The following XKR4 variants were observed in gnomAD, a reference collection of about 807,000 sequenced individuals.
XKR4 encodes the protein XK-related protein 4.
XKR4 carries 12 observed loss-of-function variants against 53.9 expected under a neutral mutation model. The ratio of observed to expected loss-of-function variants is 0.22; its 90% CI spans 0.14 to 0.36. The LOEUF (loss-of-function observed/expected upper bound fraction) is 0.36, where lower values mean the gene tolerates loss of function less well. Ranked by LOEUF, XKR4 falls within the 10% of genes least tolerant of loss-of-function variation. XKR4 has a pLI of 1.00. For synonymous variants in XKR4, 354 were observed against 362.4 expected (o/e 0.98, Z 0.26); for missense variants, 799 against 859.5 (o/e 0.93, Z 0.88).
chr8:55,198,738 T>A (rs1817536122), intron 1 of XKR4, among the ~76,000 whole-genome samples: 1 of 152,176 alleles, frequency 6.6e-6, no homozygotes, highest in East Asian at 1.9e-4. Flanking sequence ...CATTACAATG[T>A]GAATGGCATT....
chr8:55,479,969 G>T (rs961287946), intron 2 of XKR4, among the ~76,000 whole-genome samples: 1 of 152,142 alleles, frequency 6.6e-6, no homozygotes, highest in Non-Finnish European at 1.5e-5. Flanking sequence ...TTTTACCAGA[G>T]GTACAAGGAG....
rs7835253 is a variant in XKR4, at chr8:55,196,406, C to T, written c.806+93112C>T. Among the ~76,000 whole-genome samples the T allele has an allele frequency of 3.6e-3, 553 of 152,286 alleles. 3 individuals are homozygous for T. Among genetic ancestry groups the T allele is most frequent in the African/African-American group, 0.013 (538 of 41,562 alleles). On this transcript the variant is annotated intron_variant, in intron 1 of 2. Transcript: ENST00000327381. Reference sequence around the variant, plus strand: ...CCATGTCGGTCAGGCTGGTCTTGAACTCCTGGCCTCAGGTGATCTGCCCGC... The same window carrying T: ...CCATGTCGGTCAGGCTGGTCTTGAATTCCTGGCCTCAGGTGATCTGCCCGC...
chr8:55,194,558 A>G (rs746783195), intron 1 of XKR4, among the ~76,000 whole-genome samples: 2 of 152,160 alleles, frequency 1.3e-5, no homozygotes, highest in African/African-American at 2.4e-5. Flanking sequence ...GTATAAATAT[A>G]CCGTTGGAAA....
intron 1 of XKR4, among the ~76,000 whole-genome samples, chr8:55,147,951 C>T (rs528639812): frequency 6.6e-6 from 1 of 152,246 alleles, no homozygotes; most frequent in African/African-American, 2.4e-5. Context: ...GGGGACAAGA[C>T]TCTTGGACTC....
At chr8:55,114,289 C>G (rs7829501) in intron 1 of XKR4, among the ~76,000 whole-genome samples, 1 of 151,992 alleles carries the variant, frequency 6.6e-6, no homozygotes, top group Non-Finnish European at 1.5e-5. Context: ...TAAGATGGTA[C>G]TCTTGTGATT....
At chr8:55,252,460 T>C (rs1585968189) in intron 1 of XKR4, among the ~76,000 whole-genome samples, 1 of 152,180 alleles carries the variant, frequency 6.6e-6, no homozygotes, top group East Asian at 1.9e-4. Flanking sequence ...GACACTTAAA[T>C]GTCTGCTGAA....
chr8:55,457,806 C>T (rs542031518), intron 2 of XKR4, among the ~76,000 whole-genome samples: 1 of 152,286 alleles, frequency 6.6e-6, no homozygotes, highest in East Asian at 1.9e-4. Context: ...CATATTCATA[C>T]ACACACAGTT....
chr8:55,522,958 T>C (rs1414852590), intron 2 of XKR4, among the ~76,000 whole-genome samples: 3 of 152,008 alleles, frequency 2.0e-5, no homozygotes, highest in Non-Finnish European at 4.4e-5. Flanking sequence ...CTGGCTTACA[T>C]GGTGAAACCC....
chr8:55,356,528 A>T (rs1304358053), intron 1 of XKR4, among the ~76,000 whole-genome samples: 1 of 152,246 alleles, frequency 6.6e-6, no homozygotes, highest in African/African-American at 2.4e-5. Context: ...TTTCAAACAA[A>T]CTTAAAAAAT....
intron 2 of XKR4, among the ~76,000 whole-genome samples, chr8:55,481,732 A>C (rs540229237): frequency 1.3e-5 from 2 of 152,134 alleles, no homozygotes; most frequent in African/African-American, 4.8e-5. Context: ...AAAAGTGGGC[A>C]AAGGATATGA....
chr8:55,302,060 AGTCCTTG>A (rs1275191354), intron 1 of XKR4, among the ~76,000 whole-genome samples: 1 of 152,116 alleles, frequency 6.6e-6, no homozygotes, highest in Non-Finnish European at 1.5e-5. Context: ...TTAGACATGA[AGTCCTTG>A]CCCATGCCTA....
intron 2 of XKR4, among the ~76,000 whole-genome samples, chr8:55,364,436 G>C (rs372103079): frequency 6.6e-6 from 1 of 152,308 alleles, no homozygotes; most frequent in Admixed American, 6.5e-5. Flanking sequence ...CTTCTGTAGC[G>C]TGTTCTCCCC....
In XKR4 at chr8:55,112,457, G is replaced by A. The variant is rs1474705990; in HGVS notation, c.806+9163G>A. On this transcript the variant is annotated intron_variant, in intron 1 of 2. Transcript: ENST00000327381. ...AGTTGCCTTTCTGAATCACCAATCT[G>A]ACAGATTTCATCCATGTGAAAGCAG... 2.3e-4 allele frequency among the ~76,000 whole-genome samples: 34 copies of A among 150,886 alleles called. 1 individual carries two copies. The highest frequency in any genetic ancestry group is 2.1e-3 in the Admixed American group (32 of 15,132).
chr8:55,103,049 G>C lies in XKR4; in HGVS notation c.561G>C (p.Gln187His), dbSNP rs766219761. 28 of 1,612,778 alleles carry C rather than the reference G, an allele frequency of 1.7e-5. No individual in the cohort carries two copies. Among genetic ancestry groups the C allele is most frequent in the Non-Finnish European group, 2.4e-5 (28 of 1,179,766 alleles). ...ATAAAASSCP[Q>H]PGADCKTVVG... Reference sequence around the variant, plus strand: ...CCGCTGCTGCCTCCAGCTGCCCGCAGCCTGGAGCCGATTGCAAGACGGTGG... The same window carrying C: ...CCGCTGCTGCCTCCAGCTGCCCGCACCCTGGAGCCGATTGCAAGACGGTGG... Residue 187 changes from glutamine (Q) to histidine (H), a missense_variant, in exon 1 of 3, where the codon CAG becomes CAC. Around this residue, in one of 3 missense-constraint regions of XKR4, gnomAD observed 476 missense variants for 505.4 expected, o/e 0.94. Coordinates refer to ENST00000327381, the MANE Select transcript of XKR4 (RefSeq NM_052898.2).
chr8:55,492,558 G>A (rs1563365507), intron 2 of XKR4, among the ~76,000 whole-genome samples: 2 of 152,186 alleles, frequency 1.3e-5, no homozygotes, highest in Admixed American at 6.5e-5. Flanking sequence ...GGGACTCACT[G>A]AGTACTCTTT....
At chr8:55,224,917 A>G (rs1259740644) in intron 1 of XKR4, among the ~76,000 whole-genome samples, 2 of 152,242 alleles carry the variant, frequency 1.3e-5, no homozygotes, top group Non-Finnish European at 2.9e-5. Context: ...TAAAGGGGTT[A>G]AAAGACGTTA....
intron 1 of XKR4, among the ~76,000 whole-genome samples, chr8:55,203,327 G>A (rs1205286864): frequency 6.6e-6 from 1 of 152,192 alleles, no homozygotes; most frequent in Non-Finnish European, 1.5e-5. Context: ...GCTGGGGAAG[G>A]GTTCGCAAAG....
intron 1 of XKR4, among the ~76,000 whole-genome samples, chr8:55,327,070 G>A (rs1423886878): frequency 2.6e-5 from 4 of 152,076 alleles, no homozygotes; most frequent in Admixed American, 6.6e-5. Context: ...TCGTTGCAAG[G>A]CGTTTATGAA....
chr8:55,304,884 G>A (rs147297740), intron 1 of XKR4, among the ~76,000 whole-genome samples: 236 of 152,116 alleles, frequency 1.6e-3, no homozygotes, highest in Middle Eastern at 0.01. Context: ...TTGAGCCTAT[G>A]TGCAGACACT....
Sources: gnomAD v4.1 joint callset for allele counts (sites outside exome capture counted in the v4.1 genomes callset) on GRCh38, gnomAD v4.1.1 for gene constraint, gnomAD v4.1.1 regional missense constraint, MANE v1.5 for transcripts, NCBI Gene and HGNC (gene_info 2026-07-23, HGNC 2026-07-21) for gene names.